Variants in ARK2C observed in about 807,000 individuals in gnomAD.
ARK2C encodes E3 ubiquitin-protein ligase ARK2C.
the ARK2C span, among the ~76,000 whole-genome samples, chr18:46,382,888 C>T: frequency 1.1e-4 from 16 of 152,352 alleles, no homozygotes; most frequent in African/African-American, 3.6e-4. Flanking sequence ...GTCAGAGCCT[C>T]GGGACTGCCA....
At chr18:46,441,957 G>A in the ARK2C span, among the ~76,000 whole-genome samples, 5 of 151,076 alleles carry the variant, frequency 3.3e-5, no homozygotes, top group Non-Finnish European at 7.4e-5. Context: ...GAGGTCAGGG[G>A]ATCGAGACCA....
chr18:46,356,276 T>C, the ARK2C span, among the ~76,000 whole-genome samples: 1 of 152,198 alleles, frequency 6.6e-6, no homozygotes, highest in Non-Finnish European at 1.5e-5. Context: ...AACAATCACC[T>C]GATTTTAAGA....
chr18:46,416,628 A>G, the ARK2C span, among the ~76,000 whole-genome samples: 3 of 152,240 alleles, frequency 2.0e-5, no homozygotes, highest in Non-Finnish European at 4.4e-5. Context: ...GCAGCTCACA[A>G]GTCAGTGGGT....
At chr18:46,444,015 T>C in the ARK2C span, among the ~76,000 whole-genome samples, 13 of 152,208 alleles carry the variant, frequency 8.5e-5, no homozygotes, top group African/African-American at 3.1e-4. Flanking sequence ...TCTAGGTATA[T>C]ATTTCTATAT....
At chr18:46,400,426 G>A in the ARK2C span, among the ~76,000 whole-genome samples, 1 of 152,208 alleles carries the variant, frequency 6.6e-6, no homozygotes. Flanking sequence ...TGGCTGTTGG[G>A]AGAGTGCCAT....
At chr18:46,394,936 G>A in the ARK2C span, among the ~76,000 whole-genome samples, 1 of 152,328 alleles carries the variant, frequency 6.6e-6, no homozygotes, top group South Asian at 2.1e-4. Flanking sequence ...GAACTTTCAC[G>A]TATGTGGGGC....
At chr18:46,444,920 ATCTCCTCTTCTATATATTTTAC>A in the ARK2C span, among the ~76,000 whole-genome samples, 1 of 144,458 alleles carries the variant, frequency 6.9e-6, no homozygotes, top group African/African-American at 2.5e-5. Context: ...TCATTAAAAT[ATCTCCTCTTCTATATATTTTAC>A]TCTTCTCTGT....
the ARK2C span, among the ~76,000 whole-genome samples, chr18:46,355,494 C>CA: frequency 6.6e-6 from 1 of 152,328 alleles, no homozygotes; most frequent in South Asian, 2.1e-4. Context: ...AGAAGTGCCC[C>CA]AGTCTAATAT....
At chr18:46,366,800 C>T in the ARK2C span, among the ~76,000 whole-genome samples, 3 of 152,156 alleles carry the variant, frequency 2.0e-5, no homozygotes, top group Non-Finnish European at 4.4e-5. Flanking sequence ...ATTTACTCAA[C>T]ATGTACGTGT....
chr18:46,419,393 G>A, the ARK2C span, among the ~76,000 whole-genome samples: 5 of 152,168 alleles, frequency 3.3e-5, no homozygotes, highest in Non-Finnish European at 7.3e-5. Flanking sequence ...GAACTTCATA[G>A]CATTCCCCCT....
At chr18:46,366,218 G>T in the ARK2C span, among the ~76,000 whole-genome samples, 3,136 of 150,584 alleles carry the variant, frequency 0.021, 108 homozygotes, top group African/African-American at 0.072. Context: ...CTTGAACCCG[G>T]GAGGTGGAGG....
chr18:46,404,519 C>T, the ARK2C span, among the ~76,000 whole-genome samples: 15 of 152,144 alleles, frequency 9.9e-5, no homozygotes, highest in Middle Eastern at 3.4e-3. Context: ...TTTGGGTGGC[C>T]GAGGCAGGTG....
the ARK2C span, among the ~76,000 whole-genome samples, chr18:46,370,096 G>A: frequency 3.9e-5 from 6 of 152,214 alleles, no homozygotes; most frequent in South Asian, 2.1e-4. Flanking sequence ...TTCCCTTTGA[G>A]CATCACTTTC....
At chr18:46,362,357 C>T in the ARK2C span, among the ~76,000 whole-genome samples, 1 of 152,140 alleles carries the variant, frequency 6.6e-6, no homozygotes, top group Non-Finnish European at 1.5e-5. Flanking sequence ...TTCAGGACAC[C>T]CCTAAAAGGA....
At chr18:46,457,053 A>T in the ARK2C span, 1 of 164,108 alleles carries the variant, frequency 6.1e-6, no homozygotes, top group African/African-American at 2.4e-5. Context: ...TGTGGATGGC[A>T]GCCGGAGCAT....
At chr18:46,337,208 GAAAAGAAAGAGAA>G in the ARK2C span, 1 of 985,260 alleles carries the variant, frequency 1.0e-6, no homozygotes, top group African/African-American at 1.7e-5. Flanking sequence ...TTGGCAATCT[GAAAAGAAAGAGAA>G]AAAAGAAAAG....
At chr18:46,387,323 C>G in the ARK2C span, among the ~76,000 whole-genome samples, 1 of 152,216 alleles carries the variant, frequency 6.6e-6, no homozygotes, top group Non-Finnish European at 1.5e-5. Context: ...AACAAGCCCC[C>G]ATCCTCCATG....
the ARK2C span, among the ~76,000 whole-genome samples, chr18:46,428,436 C>G: frequency 6.6e-6 from 1 of 151,806 alleles, no homozygotes; most frequent in South Asian, 2.1e-4. Flanking sequence ...AAAACAAAAA[C>G]AAACAAACAA....
the ARK2C span, chr18:46,435,188 A>G: frequency 1.1e-6 from 1 of 926,732 alleles, no homozygotes; most frequent in East Asian, 2.5e-5. Flanking sequence ...TGGGGCTGCA[A>G]GAGTGGGGCA....
Sources: allele counts gnomAD v4.1 joint callset (sites outside exome capture counted in the v4.1 genomes callset), GRCh38; gene constraint gnomAD v4.1.1; transcripts MANE v1.5; gene names NCBI Gene and HGNC (gene_info 2026-07-23, HGNC 2026-07-21).